RP1: variants seen among roughly 807,000 people sequenced by gnomAD.
RP1 encodes RP1 axonemal microtubule associated.
RP1 carries 16 observed loss-of-function variants against 14.8 expected under a neutral mutation model. The ratio of observed to expected loss-of-function variants is 1.08; its 90% CI spans 0.73 to 1.65. The LOEUF is 1.65. RP1 is among the 40% of genes most tolerant of loss of function. The pLI, the probability that RP1 is intolerant of heterozygous loss-of-function variation, is 0.00. For missense variants in RP1, 2,631 were observed against 2,535.0 expected (o/e 1.04, Z -0.81); for synonymous variants, 876 against 883.6 (o/e 0.99, Z 0.15).
intron 24 of RP1, among the ~76,000 whole-genome samples, chr8:54,832,624 CT>C (rs558847490): frequency 2.0e-5 from 3 of 151,796 alleles, no homozygotes; most frequent in Middle Eastern, 3.4e-3. Context: ...TTATTAACTC[CT>C]TTTTTTATTG....
intron 24 of RP1, among the ~76,000 whole-genome samples, chr8:54,832,106 T>C (rs1811544030): frequency 6.6e-6 from 1 of 151,886 alleles, no homozygotes; most frequent in Non-Finnish European, 1.5e-5. Context: ...TCAGTTACTA[T>C]GATCTTACTA....
intron 24 of RP1, among the ~76,000 whole-genome samples, chr8:54,831,786 A>G (rs1039929705): frequency 1.3e-5 from 2 of 151,646 alleles, no homozygotes; most frequent in African/African-American, 4.8e-5. Context: ...TCCATCTTGT[A>G]TTATTTCTCT....
At chr8:54,656,274 G>A in intron 6 of RP1, 1 of 1,490,550 alleles carries the variant, frequency 6.7e-7, no homozygotes, top group Non-Finnish European at 8.9e-7. Flanking sequence ...AATGCTGAAG[G>A]ACAGGGAACC....
chr8:54,679,554 A>G (rs1203571774), intron 10 of RP1: 2 of 1,535,934 alleles, frequency 1.3e-6, no homozygotes, highest in Admixed American at 2.0e-5. Flanking sequence ...TGGAGAAAGC[A>G]TGACACTTCT....
intron 3 of RP1, among the ~76,000 whole-genome samples, chr8:54,643,327 C>G (rs1167418710): frequency 6.6e-6 from 1 of 152,168 alleles, no homozygotes; most frequent in Non-Finnish European, 1.5e-5. Flanking sequence ...ACAATTCTAT[C>G]CCAAATAGTT....
chr8:54,582,080 G>A (rs960049608), intron 1 of RP1, among the ~76,000 whole-genome samples: 1 of 152,166 alleles, frequency 6.6e-6, no homozygotes, highest in Non-Finnish European at 1.5e-5. Flanking sequence ...GCTTGCCCAT[G>A]CCTATGTCCT....
chr8:54,749,566 G>A (rs563737809), intron 19 of RP1, among the ~76,000 whole-genome samples: 1 of 152,226 alleles, frequency 6.6e-6, no homozygotes, highest in South Asian at 2.1e-4. Flanking sequence ...AGGCACTAAG[G>A]ACAGTTAGAG....
chr8:54,578,214 T>C (rs1394661167), intron 1 of RP1, among the ~76,000 whole-genome samples: 1 of 152,146 alleles, frequency 6.6e-6, no homozygotes, highest in Non-Finnish European at 1.5e-5. Context: ...TTTTTAATTT[T>C]TATTTTTTTA....
intron 15 of RP1, chr8:54,706,669 CTT>C (rs1470040707): frequency 1.1e-5 from 17 of 1,534,962 alleles, no homozygotes; most frequent in Non-Finnish European, 1.3e-5. Flanking sequence ...AGCATCTGCT[CTT>C]GTTTCTCTCA....
At chr8:54,566,392 A>G (rs1804406711) in intron 1 of RP1, among the ~76,000 whole-genome samples, 1 of 152,206 alleles carries the variant, frequency 6.6e-6, no homozygotes, top group South Asian at 2.1e-4. Flanking sequence ...GTTAAAGTTT[A>G]ATGATAAGCC....
chr8:54,793,179 T>C (rs1040940084), intron 24 of RP1, among the ~76,000 whole-genome samples: 2 of 151,794 alleles, frequency 1.3e-5, no homozygotes, highest in Admixed American at 6.6e-5. Context: ...AGTAAGGAGA[T>C]TGAATCAGTA....
Position 54,626,584 on chromosome 8 carries a change from C to T in RP1, c.2702C>T (p.Pro901Leu). ...RANSLASLKK[P>L]DFPEAIAHHS... The stretch of plus-strand genomic sequence containing the variant: ...AATTCTTTAGCTTCTTTGAAAAAAC[C>T]TGATTTTCCTGAGGCTATTGCTCAT... Residue 901 changes from proline to leucine, a missense_variant, in exon 4 of 4, where the codon CCT becomes CTT. Pro to Leu is a moderately conservative substitution (Grantham distance 98, BLOSUM62 -3). Transcript: ENST00000220676. The T allele has an allele frequency of 6.2e-7, 1 of 1,613,268 alleles. No homozygotes were observed. The highest frequency in any genetic ancestry group is 8.5e-7 in the Non-Finnish European group (1 of 1,179,824).
intron 19 of RP1, among the ~76,000 whole-genome samples, chr8:54,750,996 G>A (rs1185182517): frequency 1.3e-5 from 2 of 152,170 alleles, no homozygotes; most frequent in Non-Finnish European, 2.9e-5. Context: ...TGGGTGCTTT[G>A]TTCTTTAGCT....
chr8:54,584,342 T>C (rs1475050674), intron 1 of RP1, among the ~76,000 whole-genome samples: 1 of 152,240 alleles, frequency 6.6e-6, no homozygotes, highest in African/African-American at 2.4e-5. Context: ...GAGTTCTAGT[T>C]TGATTGCACT....
intron 27 of RP1, among the ~76,000 whole-genome samples, chr8:54,863,062 T>TATAC (rs1316962335): frequency 7.0e-6 from 1 of 143,218 alleles, no homozygotes; most frequent in Non-Finnish European, 1.5e-5. Flanking sequence ...TATATATATA[T>TATAC]ATATATATAT....
intron 1 of RP1, among the ~76,000 whole-genome samples, chr8:54,591,673 T>C (rs1805045122): frequency 1.3e-5 from 2 of 152,134 alleles, no homozygotes; most frequent in Admixed American, 6.5e-5. Context: ...AAAACAAACA[T>C]TTATTGAGCT....
intron 1 of RP1, among the ~76,000 whole-genome samples, chr8:54,609,811 A>C (rs1805548959): frequency 6.6e-6 from 1 of 152,156 alleles, no homozygotes. Flanking sequence ...CCCTGCTGAG[A>C]CATACACCTC....
chr8:54,668,756 A>T (rs1807075812), intron 7 of RP1, among the ~76,000 whole-genome samples: 1 of 152,218 alleles, frequency 6.6e-6, no homozygotes, highest in Non-Finnish European at 1.5e-5. Flanking sequence ...GACAAACCTG[A>T]CAAAAACAAG....
intron 7 of RP1, among the ~76,000 whole-genome samples, chr8:54,668,916 A>G (rs1807079582): frequency 6.6e-6 from 1 of 152,242 alleles, no homozygotes. Context: ...ACCTAAAACC[A>G]TAAAAACTCT....
Sources: allele counts gnomAD v4.1 joint callset (sites outside exome capture counted in the v4.1 genomes callset), GRCh38; gene constraint gnomAD v4.1.1; transcripts MANE v1.5; gene names NCBI Gene and HGNC (gene_info 2026-07-23, HGNC 2026-07-21).